The following LRRIQ3 variants were observed in gnomAD, a reference collection of about 807,000 sequenced individuals.
LRRIQ3 encodes the protein leucine rich repeats and IQ motif containing 3, also known as leucine-rich repeat and IQ domain-containing protein 3.
LRRIQ3 carries 75 observed loss-of-function variants against 59.3 expected under a neutral mutation model. That is an observed-to-expected ratio of 1.26 (90% CI 1.05 to 1.53). LRRIQ3 has a LOEUF of 1.53. LRRIQ3 is among the 40% of genes most tolerant of loss of function. LRRIQ3 has a pLI of 0.00. For synonymous variants in LRRIQ3, 250 were observed against 231.3 expected, an observed-to-expected ratio of 1.08 and a Z score of -0.73; for missense variants, 831 against 710.0, an observed-to-expected ratio of 1.17 and a Z score of -1.94.
intron 5 of LRRIQ3, among the ~76,000 whole-genome samples, chr1:74,086,880 T>C (rs1646332679): frequency 6.6e-6 from 1 of 152,102 alleles, no homozygotes; most frequent in Admixed American, 6.6e-5. Flanking sequence ...CCTATTATGC[T>C]CTTTTATCTA....
chr1:74,134,819 T>C (rs1285859633), intron 4 of LRRIQ3, among the ~76,000 whole-genome samples: 1 of 150,388 alleles, frequency 6.6e-6, no homozygotes, highest in Non-Finnish European at 1.5e-5. Flanking sequence ...TAAAAGAATG[T>C]GGTAAAGGAG....
At chr1:74,169,784 A>C (rs1404997188) in intron 3 of LRRIQ3, among the ~76,000 whole-genome samples, 1 of 152,128 alleles carries the variant, frequency 6.6e-6, no homozygotes, top group Non-Finnish European at 1.5e-5. Context: ...TCCTGGCCTC[A>C]AGTGATCCTT....
chr1:74,062,571 A>T (rs1654750466), intron 6 of LRRIQ3, among the ~76,000 whole-genome samples: 1 of 152,166 alleles, frequency 6.6e-6, no homozygotes, highest in Non-Finnish European at 1.5e-5. Context: ...AGTAGCAAAG[A>T]CACAGAATCA....
intron 4 of LRRIQ3, among the ~76,000 whole-genome samples, chr1:74,135,329 A>G (rs1212262802): frequency 6.6e-6 from 1 of 151,934 alleles, no homozygotes; most frequent in Non-Finnish European, 1.5e-5. Context: ...GCCACACTCT[A>G]AATAATAGAC....
At position 74,168,013 on chromosome 1, in the gene LRRIQ3, G is replaced by T. The variant is rs542784373; in HGVS notation, c.574-12147C>A. On this transcript the variant is annotated intron_variant, in intron 3 of 7. Transcript: ENST00000354431. ...GATATTTGATTTAAGGATATATATA[G>T]TCTGTATAGAATTTCATGGACACTT... Among the ~76,000 whole-genome samples, 3 of 151,972 alleles carry T rather than the reference G, an allele frequency of 2.0e-5. No individual in the cohort carries two copies. The South Asian group carries it at 6.2e-4, about 32-fold the overall frequency.
intron 4 of LRRIQ3, among the ~76,000 whole-genome samples, chr1:74,126,733 T>C (rs1040351377): frequency 5.9e-5 from 9 of 151,986 alleles, no homozygotes; most frequent in Middle Eastern, 3.2e-3. Context: ...ATTTCAATTA[T>C]TAAAAAAATT....
chr1:74,163,937 A>C (rs1031902530), intron 3 of LRRIQ3, among the ~76,000 whole-genome samples: 8 of 151,368 alleles, frequency 5.3e-5, no homozygotes, highest in Non-Finnish European at 8.9e-5. Flanking sequence ...AGCCATTCTG[A>C]ATAGTATGTA....
intron 1 of LRRIQ3, among the ~76,000 whole-genome samples, chr1:74,194,399 CATT>C (rs977386135): frequency 6.6e-6 from 1 of 152,062 alleles, no homozygotes; most frequent in African/African-American, 2.4e-5. Flanking sequence ...TAGCACAAAA[CATT>C]ATATTTTCAT....
intron 4 of LRRIQ3, among the ~76,000 whole-genome samples, chr1:74,145,100 A>T (rs530333271): frequency 6.6e-6 from 1 of 152,128 alleles, no homozygotes; most frequent in East Asian, 1.9e-4. Context: ...GGGTACCTCT[A>T]CTAATGTTGT....
chr1:74,132,809 G>C (rs895185542), intron 4 of LRRIQ3, among the ~76,000 whole-genome samples: 4 of 152,098 alleles, frequency 2.6e-5, no homozygotes, highest in Admixed American at 2.6e-4. Context: ...CATGGGCAAG[G>C]ACTTCATGTC....
At chr1:74,132,279 G>A (rs544640113) in intron 4 of LRRIQ3, among the ~76,000 whole-genome samples, 1 of 152,252 alleles carries the variant, frequency 6.6e-6, no homozygotes, top group South Asian at 2.1e-4. Flanking sequence ...AATCAATATT[G>A]TGAAAATGGC....
At chr1:74,157,596 C>T (rs1171219956) in intron 3 of LRRIQ3, among the ~76,000 whole-genome samples, 1 of 151,706 alleles carries the variant, frequency 6.6e-6, no homozygotes, top group African/African-American at 2.4e-5. Flanking sequence ...GGCTTCTATC[C>T]CTATCATCCA....
rs770144223 is a variant in LRRIQ3 at position 74,041,248 on chromosome 1, A to G, written c.1683T>C (p.Tyr561=). The G allele has an allele frequency of 3.1e-6, 5 of 1,589,972 alleles. No individual in the cohort carries two copies. The highest frequency in any genetic ancestry group is 2.2e-5 in the East Asian group (1 of 44,664). ...IVKQKLKAEK[Y]RKNLLKEMKK... ...TCATTTCTTTAAGTAAATTCTTTCT[A>G]TATTTTTCTGCTTTTAGTTTTTGCT... Residue 561 remains tyrosine, a synonymous_variant, in exon 7 of 8, where the codon TAT becomes TAC. Transcript: ENST00000354431.
chr1:74,189,626 A>G (rs1013813401), intron 1 of LRRIQ3, among the ~76,000 whole-genome samples: 5 of 152,058 alleles, frequency 3.3e-5, no homozygotes, highest in African/African-American at 1.2e-4. Context: ...TGTGGGAGAG[A>G]CCCAGTGGGA....
At chr1:74,075,378 C>T (rs1449412900) in intron 5 of LRRIQ3, among the ~76,000 whole-genome samples, 2 of 151,952 alleles carry the variant, frequency 1.3e-5, no homozygotes, top group African/African-American at 4.8e-5. Context: ...CCCAGCCTGG[C>T]CAACATGGCG....
rs555202707 is a variant in LRRIQ3, at chr1:74,115,629, G to A, written c.708-6076C>T. ...TGGCTGGACAGTGTGAGACAGTCCA[G>A]ATCTCAAGATCAAGGTAACCTAGCC... On this transcript the variant is annotated intron_variant, in intron 4 of 7. Coordinates refer to ENST00000354431, the MANE Select transcript of LRRIQ3 (RefSeq NM_001105659.2). 5.9e-5 allele frequency among the ~76,000 whole-genome samples: 9 copies of A among 152,254 alleles called. No homozygotes were observed. The South Asian group carries it at 1.9e-3, about 32-fold the overall frequency.
At chr1:74,090,570 C>T (rs1423899083) in intron 5 of LRRIQ3, among the ~76,000 whole-genome samples, 3 of 151,904 alleles carry the variant, frequency 2.0e-5, no homozygotes, top group African/African-American at 7.3e-5. Context: ...TGGACTAATT[C>T]TCAAGTTTCA....
intron 5 of LRRIQ3, among the ~76,000 whole-genome samples, chr1:74,075,215 G>A (rs1646191394): frequency 1.3e-5 from 2 of 152,012 alleles, no homozygotes; most frequent in South Asian, 4.1e-4. Flanking sequence ...AGGAAAAGGA[G>A]GGACAATAAC....
intron 2 of LRRIQ3, 145 bp downstream of exon 2, chr1:74,183,291 C>A: frequency 1.6e-6 from 1 of 636,656 alleles, no homozygotes; most frequent in South Asian, 3.0e-5. Flanking sequence ...ATACATCTTA[C>A]ATGCTTTTAA....
Sources: allele counts gnomAD v4.1 joint callset (sites outside exome capture counted in the v4.1 genomes callset), GRCh38; gene constraint gnomAD v4.1.1; transcripts MANE v1.5; gene names NCBI Gene and HGNC (gene_info 2026-07-23, HGNC 2026-07-21).